Variants in HS2ST1 observed in about 807,000 individuals in gnomAD.
HS2ST1 encodes the protein heparan sulfate 2-O-sulfotransferase 1.
HS2ST1 carries 18 observed loss-of-function variants against 42.9 expected under a neutral mutation model. That is an observed-to-expected ratio of 0.42 (90% CI 0.29 to 0.62). The LOEUF is 0.62. HS2ST1 is among the 20% of genes least tolerant of loss of function. HS2ST1 has a pLI of 0.21. For synonymous variants in HS2ST1, 146 were observed against 152.9 expected (o/e 0.95, Z 0.33); for missense variants, 334 against 433.8 (o/e 0.77, Z 2.04).
At chr1:87,021,727 T>A (rs114747121) in intron 1 of HS2ST1, among the ~76,000 whole-genome samples, 3,697 of 152,202 alleles carry the variant, frequency 0.024, 47 homozygotes, top group South Asian at 0.054. Flanking sequence ...TGTTGCATAG[T>A]CTGGTCTCAA....
chr1:86,991,801 G>C (rs1464997202), intron 1 of HS2ST1, among the ~76,000 whole-genome samples: 1 of 152,126 alleles, frequency 6.6e-6, no homozygotes, highest in Non-Finnish European at 1.5e-5. Context: ...AGTGTAGTTT[G>C]GCTCTTTACT....
chr1:86,986,243 C>G (rs1423505928), intron 1 of HS2ST1, among the ~76,000 whole-genome samples: 2 of 151,764 alleles, frequency 1.3e-5, no homozygotes, highest in Non-Finnish European at 2.9e-5. Context: ...AAATATTTAT[C>G]TATGTAAATT....
chr1:86,924,831 A>C (rs1570424722), intron 1 of HS2ST1, among the ~76,000 whole-genome samples: 1 of 152,134 alleles, frequency 6.6e-6, no homozygotes, highest in East Asian at 1.9e-4. Context: ...GACCTCTGAC[A>C]TGCCTTGGAG....
intron 1 of HS2ST1, among the ~76,000 whole-genome samples, chr1:87,044,592 TA>T (rs1360505777): frequency 6.6e-6 from 1 of 152,238 alleles, no homozygotes; most frequent in Non-Finnish European, 1.5e-5. Context: ...ATGATATTTA[TA>T]ACCAGGTATC....
chr1:87,013,240 T>C (rs1417161661), intron 1 of HS2ST1, among the ~76,000 whole-genome samples: 1 of 152,246 alleles, frequency 6.6e-6, no homozygotes, highest in East Asian at 1.9e-4. Context: ...GTAGCACACC[T>C]CTGCCTGGAG....
chr1:87,021,723 A>C (rs778505589), intron 1 of HS2ST1, among the ~76,000 whole-genome samples: 1 of 152,104 alleles, frequency 6.6e-6, no homozygotes, highest in African/African-American at 2.4e-5. Context: ...ACTTTGTTGC[A>C]TAGTCTGGTC....
In HS2ST1 at chr1:87,106,544, T is replaced by A. The variant is rs577219656; in HGVS notation, c.*1848T>A. 6.6e-6 allele frequency: 1 copy of A among 152,160 alleles called. No individual in the cohort carries two copies. Among genetic ancestry groups the A allele is most frequent in the South Asian group, 2.1e-4 (1 of 4,828 alleles). The allele number at this position is 152,160 out of a possible 1,614,324, so 9.4% of individuals were successfully genotyped here. On this transcript the variant is annotated 3_prime_UTR_variant, in exon 7 of 7. Coordinates refer to ENST00000370550, the MANE Select transcript of HS2ST1 (RefSeq NM_012262.4). ...ATGGGAGGGCATGAGGGAACACTTC[T>A]TATGAGAAAACATTTATAAACAAAA... is the stretch of plus-strand genomic sequence containing the variant.
chr1:86,922,643 A>C (rs373596702), intron 1 of HS2ST1, among the ~76,000 whole-genome samples: 4 of 152,124 alleles, frequency 2.6e-5, no homozygotes, highest in African/African-American at 9.7e-5. Context: ...CAGTACTTTA[A>C]AGATATTGCT....
intron 1 of HS2ST1, among the ~76,000 whole-genome samples, chr1:86,940,058 T>C (rs572122155): frequency 1.3e-5 from 2 of 152,306 alleles, no homozygotes; most frequent in South Asian, 2.1e-4. Context: ...AGGTTTTTTT[T>C]CTCTTACTCT....
intron 1 of HS2ST1, among the ~76,000 whole-genome samples, chr1:87,001,794 G>T (rs1348373953): frequency 6.6e-6 from 1 of 151,620 alleles, no homozygotes; most frequent in Non-Finnish European, 1.5e-5. Context: ...TGTATATTTA[G>T]TAGAGACCAG....
intron 1 of HS2ST1, among the ~76,000 whole-genome samples, chr1:86,920,049 G>A (rs941978199): frequency 6.6e-6 from 1 of 152,194 alleles, no homozygotes; most frequent in Non-Finnish European, 1.5e-5. Flanking sequence ...TGGTCGAACA[G>A]TGCAGTGAAA....
At chr1:87,100,067 C>T (rs1652163095) in intron 5 of HS2ST1, among the ~76,000 whole-genome samples, 1 of 152,190 alleles carries the variant, frequency 6.6e-6, no homozygotes, top group South Asian at 2.1e-4. Flanking sequence ...TTTTTCCAGG[C>T]AAAGCGTGCA....
chr1:87,071,390 A>G (rs993791412), intron 1 of HS2ST1, among the ~76,000 whole-genome samples: 3 of 152,252 alleles, frequency 2.0e-5, no homozygotes, highest in Non-Finnish European at 2.9e-5. Context: ...AACTGCAATT[A>G]TGATAAATAT....
intron 1 of HS2ST1, among the ~76,000 whole-genome samples, chr1:86,936,074 C>G (rs1329805177): frequency 6.8e-6 from 1 of 147,182 alleles, no homozygotes; most frequent in African/African-American, 2.6e-5. Flanking sequence ...ATTGCAATGG[C>G]TTTCTACTAC....
rs937693939 is a variant in HS2ST1, at chr1:86,914,674, A to C, written c.-363A>C. ...GGTGGAGGGGCGCGCGGCCGCGAGC[A>C]AAGGAGGGAGGGAAGGAAGGAAGAG... On this transcript the variant is annotated 5_prime_UTR_variant, in exon 1 of 7. Coordinates refer to ENST00000370550, the MANE Select transcript of HS2ST1 (RefSeq NM_012262.4). The C allele has an allele frequency of 3.6e-5, 8 of 225,058 alleles. No individual in the cohort carries two copies. The highest frequency in any genetic ancestry group is 5.3e-5 in the Non-Finnish European group (6 of 112,474). 13.9% of individuals were successfully genotyped at this position (225,058 alleles called of 1,614,324 possible).
At chr1:86,947,389 A>T (rs750992037) in intron 1 of HS2ST1, among the ~76,000 whole-genome samples, 11 of 152,084 alleles carry the variant, frequency 7.2e-5, no homozygotes, top group Non-Finnish European at 1.3e-4. Context: ...TAGGAATGTG[A>T]CCTCTGTGCA....
chr1:87,065,573 C>A (rs1007180721), intron 1 of HS2ST1, among the ~76,000 whole-genome samples: 2 of 152,186 alleles, frequency 1.3e-5, no homozygotes, highest in African/African-American at 2.4e-5. Context: ...GGGTCATAGA[C>A]CCCCTTGCCT....
At chr1:87,055,514 C>T (rs535966906) in intron 1 of HS2ST1, among the ~76,000 whole-genome samples, 1 of 152,314 alleles carries the variant, frequency 6.6e-6, no homozygotes, top group East Asian at 1.9e-4. Context: ...TGATACTCAA[C>T]TGTAAGCGTT....
intron 1 of HS2ST1, among the ~76,000 whole-genome samples, chr1:86,919,460 C>T (rs1660244603): frequency 1.3e-5 from 2 of 151,950 alleles, no homozygotes; most frequent in Admixed American, 6.6e-5. Context: ...CTCTTTAAAC[C>T]ATTTGTATGT....
Sources: allele counts gnomAD v4.1 joint callset (sites outside exome capture counted in the v4.1 genomes callset), GRCh38; gene constraint gnomAD v4.1.1; transcripts MANE v1.5; gene names NCBI Gene and HGNC (gene_info 2026-07-23, HGNC 2026-07-21).